The following ATP2A3 variants were observed in gnomAD, a reference collection of about 807,000 sequenced individuals.
ATP2A3 encodes the protein ATPase sarcoplasmic/endoplasmic reticulum Ca2+ transporting 3, also known as sarcoplasmic/endoplasmic reticulum calcium ATPase 3.
ATP2A3 carries 61 observed loss-of-function variants against 106.8 expected under a neutral mutation model. That is an observed-to-expected ratio of 0.57 (90% CI 0.46 to 0.71). ATP2A3 has a LOEUF of 0.71. Ranked by LOEUF, ATP2A3 falls within the 30% of genes least tolerant of loss-of-function variation. ATP2A3 has a pLI of 0.00. For synonymous variants in ATP2A3, 611 were observed against 609.3 expected (o/e 1.00, Z -0.04); for missense variants, 1,201 against 1,423.5 (o/e 0.84, Z 2.52).
At chr17:3,951,559 T>TGCCCCCCCCCCTGG in intron 4 of ATP2A3, 22 bp downstream of exon 4, 1 of 596,272 alleles carries the variant, frequency 1.7e-6, no homozygotes, top group Non-Finnish European at 2.5e-6. Context: ...CCCCGCCCGG[T>TGCCCCCCCCCCTGG]CCCACCCCCA....
In ATP2A3 at chr17:3,951,571, T is replaced by C; in HGVS notation, c.324+10A>G. 3 of 557,002 alleles carry C rather than the reference T, an allele frequency of 5.4e-6. No individual in the cohort carries two copies. The highest frequency in any genetic ancestry group is 8.7e-6 in the Non-Finnish European group (3 of 344,132). The allele number at this position is 557,002 out of a possible 1,614,324, so 34.5% of individuals were successfully genotyped here. On this transcript the variant is annotated intron_variant, in intron 4 of 20. Transcript: ENST00000397041. Reference sequence around the variant, plus strand: ...GCCCCCCGCCCGGTCCCACCCCCAGTGCCTCCCACCTGCCACACGCCCACA... The same window carrying C: ...GCCCCCCGCCCGGTCCCACCCCCAGCGCCTCCCACCTGCCACACGCCCACA...
intron 17 of ATP2A3, among the ~76,000 whole-genome samples, chr17:3,931,859 G>T (rs1243829166): frequency 6.6e-6 from 1 of 152,200 alleles, no homozygotes; most frequent in Non-Finnish European, 1.5e-5. Flanking sequence ...GCCATGTGCT[G>T]TGAACATAAT....
At chr17:3,931,405 T>C (rs1274159455) in intron 17 of ATP2A3, among the ~76,000 whole-genome samples, 2 of 152,168 alleles carry the variant, frequency 1.3e-5, no homozygotes, top group Admixed American at 1.3e-4. Flanking sequence ...GGAACTTGTC[T>C]TGTTCTCTTC....
chr17:3,928,023 T>C lies in ATP2A3; in HGVS notation c.2980+640A>G, dbSNP rs2052811048. ...CTGAGCAGCTCTGACAGCGAGACGA[T>C]GCTGTGTCCCTGGCCCTTGGAAGTT... On this transcript the variant is annotated intron_variant, in intron 20 of 20. Coordinates refer to ENST00000397041, the MANE Select transcript of ATP2A3 (RefSeq NM_005173.4). The surrounding 1 kb of genome is among the most constrained non-coding windows in gnomAD (Gnocchi z 6.1). The C allele has an allele frequency of 1.2e-6, 2 of 1,614,114 alleles. No individual in the cohort carries two copies. The highest frequency in any genetic ancestry group is 4.5e-5 in the East Asian group (2 of 44,876).
chr17:3,940,031 C>CTTTTTTTTTT lies in ATP2A3; in HGVS notation c.2100+930_2100+939dup, dbSNP rs1174008086. ...ATGGGTTGATGGTAATGTGTCATAT[C>CTTTTTTTTTT]TTTTTTTTTTTGTTTTTTGTTTTTT... On this transcript the variant is annotated intron_variant, in intron 14 of 20. Coordinates refer to ENST00000397041, the MANE Select transcript of ATP2A3 (RefSeq NM_005173.4). 1.5e-3 allele frequency among the ~76,000 whole-genome samples: 144 copies of CTTTTTTTTTT among 96,486 alleles called. 22 individuals are homozygous for CTTTTTTTTTT. The highest frequency in any genetic ancestry group is 6.4e-3 in the African/African-American group (136 of 21,112). 63.3% of individuals were successfully genotyped at this position (96,486 alleles called of 152,430 possible). A position where few individuals can be genotyped will look rare whatever the true frequency, so the allele number is the denominator to read the frequency against.
At chr17:3,959,356 C>A (rs949077622) in intron 1 of ATP2A3, among the ~76,000 whole-genome samples, 3 of 152,194 alleles carry the variant, frequency 2.0e-5, no homozygotes, top group Non-Finnish European at 2.9e-5. Context: ...AGGGTCCCCC[C>A]ACCACACTGG....
At position 3,951,607 on chromosome 17, in the gene ATP2A3, C is replaced by G. The variant is rs1320102928; in HGVS notation, c.298G>C (p.Ala100Pro). Residue 100 changes from alanine (A) to proline (P), a missense_variant, in exon 4 of 21, where the codon GCC (alanine) becomes CCC (proline). Around this residue, in one of 2 missense-constraint regions of ATP2A3, gnomAD observed 266 missense variants for 246.8 expected, o/e 1.08. Coordinates refer to ENST00000397041, the MANE Select transcript of ATP2A3 (RefSeq NM_005173.4). The stretch of plus-strand genomic sequence containing the variant: ...TGCCACACGCCCACAATGGCGTTGG[C>G]CACGAGGATCAGCATGATGACCAGG... ...EPLVIMLILV[A>P]NAIVGVWQER... 7 of 1,402,840 alleles carry G rather than the reference C, an allele frequency of 5.0e-6. No individual in the cohort carries two copies. The highest frequency in any genetic ancestry group is 5.7e-6 in the Non-Finnish European group (6 of 1,051,440). The allele number at this position is 1,402,840 out of a possible 1,614,324, so 86.9% of individuals were successfully genotyped here.
intron 15 of ATP2A3, 59 bp downstream of exon 15, chr17:3,937,357 C>A: frequency 1.3e-6 from 2 of 1,562,466 alleles, no homozygotes; most frequent in East Asian, 4.6e-5. Flanking sequence ...GGCGTTTTCC[C>A]CATCTCAGGG....
Position 3,926,959 on chromosome 17 carries a change from G to A in ATP2A3, c.2981-1518C>T. On this transcript the variant is annotated intron_variant, in intron 20 of 20. Transcript: ENST00000397041. The surrounding 1 kb of genome is among the most constrained non-coding windows in gnomAD (Gnocchi z 4.6). ...TCCCGTGCTTCCCCACTGCCCTGAG[G>A]ACAATGTCCAGGGTCTCTACCTTGG... The A allele has an allele frequency of 2.0e-6, 2 of 985,446 alleles. No individual in the cohort carries two copies. Among genetic ancestry groups the A allele is most frequent in the Non-Finnish European group, 2.4e-6 (2 of 829,938 alleles). The allele number at this position is 985,446 out of a possible 1,614,324, so 61.0% of individuals were successfully genotyped here. A position where few individuals can be genotyped will look rare whatever the true frequency, so the allele number is the denominator to read the frequency against.
At chr17:3,932,243 G>A (rs990722530) in intron 17 of ATP2A3, among the ~76,000 whole-genome samples, 7 of 150,952 alleles carry the variant, frequency 4.6e-5, no homozygotes, top group Admixed American at 1.3e-4. Context: ...TCCCAAGTTC[G>A]AGCGATTCTT....
rs1428929298 is a variant in ATP2A3, at chr17:3,926,459, G to A, written c.2981-1018C>T. The stretch of plus-strand genomic sequence containing the variant: ...CACCTTTCCAAGCCAAACTTCACAG[G>A]GACCACCGTCAACATCTCAAGGAGG... On this transcript the variant is annotated intron_variant, in intron 20 of 20. Transcript: ENST00000397041. The surrounding 1 kb of genome is among the most constrained non-coding windows in gnomAD (Gnocchi z 4.6). Among the ~76,000 whole-genome samples, 1 of 152,006 alleles carries A rather than the reference G, an allele frequency of 6.6e-6. No homozygotes were observed. The highest frequency in any genetic ancestry group is 2.4e-5 in the African/African-American group (1 of 41,366).
rs780528289 is a variant in ATP2A3 at position 3,942,651 on chromosome 17, G to A, written c.1500C>T (p.Pro500=). The change falls in exon 12 of 21, where the codon CCC becomes CCT. Residue 500 remains proline (P), a synonymous_variant. Transcript: ENST00000397041. ...DRKSMSVYCT[P]TRPHPTGQGS... is the part of the protein sequence containing the mutation. ...CCTGGCCAGTAGGGTGAGGGCGGGT[G>A]GGCGTGCAGTACACGGACATGGATT... 1 of 1,613,344 alleles carries A rather than the reference G, an allele frequency of 6.2e-7. No homozygotes were observed. The highest frequency in any genetic ancestry group is 8.5e-7 in the Non-Finnish European group (1 of 1,179,918).
At chr17:3,945,441 G>C in intron 8 of ATP2A3, 1 of 321,144 alleles carries the variant, frequency 3.1e-6, no homozygotes, top group Non-Finnish European at 5.8e-6. Flanking sequence ...AGGGAGCCCT[G>C]AGCTAGGCAG....
rs34443008 is a variant in ATP2A3 at position 3,925,087 on chromosome 17, TG to T, written c.*334del. The stretch of plus-strand genomic sequence containing the variant: ...TCCAGCTGCACTCGTGATTTGGGGG[TG>T]GGGGGGCCCCGGATCTCTGGGTATG... On this transcript the variant is annotated 3_prime_UTR_variant, in exon 21 of 21. Coordinates refer to ENST00000397041, the MANE Select transcript of ATP2A3 (RefSeq NM_005173.4). The surrounding 1 kb of genome is among the most constrained non-coding windows in gnomAD (Gnocchi z 4.2). 1,833 of 518,626 alleles carry T rather than the reference TG, an allele frequency of 3.5e-3. 28 individuals are homozygous for T. Among genetic ancestry groups the T allele is most frequent in the African/African-American group, 0.031 (1,616 of 51,948 alleles). 32.1% of individuals were successfully genotyped at this position (518,626 alleles called of 1,614,324 possible). A position where few individuals can be genotyped will look rare whatever the true frequency, so the allele number is the denominator to read the frequency against.
chr17:3,940,671 C>T (rs545164135), intron 14 of ATP2A3, among the ~76,000 whole-genome samples: 1 of 152,116 alleles, frequency 6.6e-6, no homozygotes, highest in Non-Finnish European at 1.5e-5. Flanking sequence ...CCACGCCCCG[C>T]TAATTTTTGT....
Position 3,941,292 on chromosome 17 carries a change from G to A in ATP2A3, c.1779C>T (p.Phe593=), listed in dbSNP as rs145904497. The stretch of plus-strand genomic sequence containing the variant: ...GGTCCAGCATGCCTACGCAGCCCAC[G>A]AAGGTCAGGTCCGTCTGTAGGGAGG... The part of the protein sequence containing the change: ...KFVQYETDLT[F]VGCVGMLDPP... Residue 593 remains phenylalanine (F), a synonymous_variant, in exon 14 of 21, where the codon TTC becomes TTT. Coordinates refer to ENST00000397041, the MANE Select transcript of ATP2A3 (RefSeq NM_005173.4). The A allele has an allele frequency of 1.8e-4, 292 of 1,613,626 alleles. 1 individual carries two copies. In the East Asian group the frequency reaches 4.1e-3, roughly 23 times the overall value.
intron 17 of ATP2A3, among the ~76,000 whole-genome samples, chr17:3,931,219 G>A (rs935341470): frequency 1.1e-4 from 16 of 151,964 alleles, no homozygotes; most frequent in Admixed American, 2.6e-4. Flanking sequence ...CAGATCTGAT[G>A]TGTGCTTCTG....
In ATP2A3 at chr17:3,928,702, C is replaced by T. The variant is rs1294545566; in HGVS notation, c.2941G>A (p.Asp981Asn). 5.2e-6 allele frequency: 8 copies of T among 1,551,300 alleles called. No individual in the cohort carries two copies. In the Admixed American group the frequency reaches 1.6e-4, roughly 30 times the overall value. Reference protein sequence around the residue: ...LQISLPVILLDEALKYLSRNH... With the variant: ...LQISLPVILLNEALKYLSRNH... ...CGGGACAGGTACTTGAGGGCCTCATCCAGCAGGATGACAGGCAGAGATATC... is the reference window on the plus strand; with the variant it reads ...CGGGACAGGTACTTGAGGGCCTCATTCAGCAGGATGACAGGCAGAGATATC... The change falls in exon 20 of 21, where the codon GAT (aspartate) becomes AAT (asparagine). Residue 981 changes from aspartate (D) to asparagine (N), a missense_variant. Coordinates refer to ENST00000397041, the MANE Select transcript of ATP2A3 (RefSeq NM_005173.4). The surrounding 1 kb of genome is among the most constrained non-coding windows in gnomAD (Gnocchi z 6.1).
rs1344791990 is a variant in ATP2A3, at chr17:3,944,770, G to T, written c.1221C>A (p.Phe407Leu). ...QGDQPVRCGQFDGLVELATIC... is the reference protein window; with the variant it reads ...QGDQPVRCGQLDGLVELATIC... ...TGGTCGCCAGCTCCACCAGCCCGTC[G>T]AACTGGCCGCAGCGCACAGGCTGAT... The change falls in exon 10 of 21, where the codon TTC (phenylalanine) becomes TTA (leucine). Residue 407 changes from phenylalanine (F) to leucine (L), a missense_variant. By Grantham distance (22) the Phe-to-Leu change is conservative. This residue lies in a region of ATP2A3 where 935 missense variants were observed against 1,176.7 expected (regional missense o/e 0.79). Coordinates refer to ENST00000397041, the MANE Select transcript of ATP2A3 (RefSeq NM_005173.4). The T allele has an allele frequency of 1.2e-6, 2 of 1,612,696 alleles. No homozygotes were observed. Among genetic ancestry groups the T allele is most frequent in the Non-Finnish European group, 1.7e-6 (2 of 1,179,550 alleles).
Sources: gnomAD v4.1 joint callset for allele counts (sites outside exome capture counted in the v4.1 genomes callset) on GRCh38, gnomAD v4.1.1 for gene constraint, gnomAD v4.1.1 regional missense constraint, Gnocchi (gnomAD v3.1) non-coding constraint, MANE v1.5 for transcripts, NCBI Gene and HGNC (gene_info 2026-07-23, HGNC 2026-07-21) for gene names.